The following FN1 variants were observed in gnomAD, a reference collection of about 807,000 sequenced individuals.
The protein encoded by FN1 is fibronectin.
FN1 carries 106 observed loss-of-function variants against 297.3 expected under a neutral mutation model. The ratio of observed to expected loss-of-function variants is 0.36; its 90% CI spans 0.30 to 0.42. FN1 has a LOEUF of 0.42. Among genes scored for constraint, FN1 ranks in the 10% least tolerant of loss-of-function variants. The pLI is 1.00. For missense variants in FN1, 2,690 were observed against 3,124.9 expected, an observed-to-expected ratio of 0.86 and a Z score of 3.32; for synonymous variants, 1,149 against 1,152.6, an observed-to-expected ratio of 1.00 and a Z score of 0.06.
At chr2:215,391,951 C>G in intron 25 of FN1, 137 bp from the exon 26 acceptor site, 1 of 760,326 alleles carries the variant, frequency 1.3e-6, no homozygotes, top group Non-Finnish European at 2.2e-6. Flanking sequence ...TAATCTAAGT[C>G]TATTTTAAGT....
At position 215,381,140 on chromosome 2, in the gene FN1, T is replaced by C. The variant is rs534174800; in HGVS notation, c.5165-60A>G. 52 of 1,555,930 alleles carry C rather than the reference T, an allele frequency of 3.3e-5. No individual in the cohort carries two copies. In the African/African-American group the frequency reaches 6.6e-4, roughly 20 times the overall value. Reference sequence around the variant, plus strand: ...AAAGCAAGTTGTGAAATAAGCATTTTTATAACATGCAAAGCAGTTTTGCAG... The same window carrying C: ...AAAGCAAGTTGTGAAATAAGCATTTCTATAACATGCAAAGCAGTTTTGCAG... On this transcript the variant is annotated intron_variant, in intron 32 of 45. Transcript: ENST00000354785.
Position 215,393,427 on chromosome 2 carries a change from A to AATAT in FN1, c.3797-228_3797-225dup, listed in dbSNP as rs138259153. The AATAT allele has an allele frequency of 0.014, 2,651 of 191,766 alleles. 54 individuals are homozygous for AATAT. The highest frequency in any genetic ancestry group is 0.053 in the African/African-American group (2,087 of 39,288). 11.9% of individuals were successfully genotyped at this position (191,766 alleles called of 1,614,324 possible). On this transcript the variant is annotated intron_variant, in intron 24 of 45. Coordinates refer to ENST00000354785, the MANE Select transcript of FN1 (RefSeq NM_212482.4). ...AATAAACAGGAATATTCTTTTAGGG[A>AATAT]ATATATATATATATATATTTTTTAC...
chr2:215,389,126 C>T (rs796406430), intron 26 of FN1, among the ~76,000 whole-genome samples: 7 of 151,806 alleles, frequency 4.6e-5, no homozygotes, highest in African/African-American at 7.2e-5. Context: ...TTCTTTTTGA[C>T]GAGGTTTTAC....
At chr2:215,372,411 G>A (rs760918513) in intron 39 of FN1, 36 bp from the exon 40 acceptor site, 18 of 1,474,428 alleles carry the variant, frequency 1.2e-5, no homozygotes, top group African/African-American at 2.8e-5. Context: ...AAAGCAAAGC[G>A]CATTAAGCTC....
chr2:215,378,379 A>C (rs2057685483), intron 34 of FN1, 117 bp from the exon 35 acceptor site: 1 of 702,912 alleles, frequency 1.4e-6, no homozygotes, highest in South Asian at 1.5e-5. Flanking sequence ...CAAACCAGCA[A>C]AACCCACAAC....
rs982108863 is a variant in FN1 at position 215,427,987 on chromosome 2, TC to T, written c.844+192del. ...CTAAGGTTTATTTGTATGTCATTTT[TC>T]TTTTTTTCTGAAAAATTTAAAACTT... On this transcript the variant is annotated intron_variant, in intron 6 of 45. Transcript: ENST00000354785. Among the ~76,000 whole-genome samples the T allele has an allele frequency of 7.9e-5, 12 of 152,336 alleles. No individual in the cohort carries two copies. In the East Asian group the frequency reaches 1.7e-3, roughly 22 times the overall value.
chr2:215,395,292 G>A (rs1449167874), intron 23 of FN1, among the ~76,000 whole-genome samples: 1 of 152,086 alleles, frequency 6.6e-6, no homozygotes, highest in Non-Finnish European at 1.5e-5. Context: ...AAAGAGTATT[G>A]ATTGGGAGGT....
At chr2:215,422,495 A>G (rs1177552984) in intron 9 of FN1, among the ~76,000 whole-genome samples, 1 of 151,760 alleles carries the variant, frequency 6.6e-6, no homozygotes, top group Non-Finnish European at 1.5e-5. Context: ...AAACTAAGAT[A>G]ATATCTACAC....
At chr2:215,424,028 G>A in intron 8 of FN1, 118 bp downstream of exon 8, 2 of 1,038,720 alleles carry the variant, frequency 1.9e-6, no homozygotes, top group African/African-American at 1.6e-5. Flanking sequence ...AGTCCAAACT[G>A]AACAAAAGCG....
In FN1 at chr2:215,414,907, T is replaced by G; in HGVS notation, c.1871A>C (p.Asn624Thr). The G allele has an allele frequency of 6.2e-7, 1 of 1,613,800 alleles. No homozygotes were observed. Among genetic ancestry groups the G allele is most frequent in the Non-Finnish European group, 8.5e-7 (1 of 1,179,868 alleles). Residue 624 changes from asparagine (N) to threonine (T), a missense_variant, in exon 13 of 46, where the codon AAC becomes ACC. By Grantham distance (65) the Asn-to-Thr change is moderately conservative. This residue lies in a region of FN1 where 876 missense variants were observed against 1,058.1 expected (regional missense o/e 0.83). Coordinates refer to ENST00000354785, the MANE Select transcript of FN1 (RefSeq NM_212482.4). Reference sequence around the variant, plus strand: ...TGCATTCCACTGGATGGGGTGGGAGTTGGGCTGACTCGGAGTCTCAGTGAT... The same window carrying G: ...TGCATTCCACTGGATGGGGTGGGAGGTGGGCTGACTCGGAGTCTCAGTGAT... ...VFITETPSQP[N>T]SHPIQWNAPQ...
chr2:215,379,868 T>C (rs1191495486), intron 33 of FN1: 1 of 155,040 alleles, frequency 6.4e-6, no homozygotes, highest in Admixed American at 6.4e-5. Flanking sequence ...AATTTTTTCA[T>C]ATTTTTTTGT....
At chr2:215,404,760 G>C in intron 19 of FN1, 105 bp from the exon 20 acceptor site, 1 of 1,089,908 alleles carries the variant, frequency 9.2e-7, no homozygotes, top group African/African-American at 1.5e-5. Context: ...CCTCAAGGTT[G>C]TAACTATGTG....
rs1297130591 is a variant in FN1, at chr2:215,380,835, G to C, written c.5410C>G (p.Pro1804Ala). 7 of 1,613,298 alleles carry C rather than the reference G, an allele frequency of 4.3e-6. No homozygotes were observed. The African/African-American group carries it at 9.3e-5, about 22-fold the overall frequency. The change falls in exon 33 of 46, where the codon CCC (proline) becomes GCC (alanine). Residue 1804 changes from proline to alanine, a missense_variant. By Grantham distance (27) the Pro-to-Ala change is conservative. Coordinates refer to ENST00000354785, the MANE Select transcript of FN1 (RefSeq NM_212482.4). ...VALHDDMESQ[P>A]LIGTQSTAIP... ...CCTGTGGACTGGGTTCCAATCAGGG[G>C]CTGGCTCTCCATATCATCGTGCAAG...
intron 21 of FN1, 149 bp from the exon 22 acceptor site, chr2:215,397,997 T>C (rs1184304109): frequency 2.7e-6 from 2 of 747,464 alleles, no homozygotes; most frequent in African/African-American, 1.7e-5. Flanking sequence ...GGGACTCTTT[T>C]ATATACTTTA....
intron 13 of FN1, among the ~76,000 whole-genome samples, chr2:215,412,831 A>C (rs1300585893): frequency 1.5e-5 from 2 of 136,064 alleles, no homozygotes; most frequent in Non-Finnish European, 1.5e-5. Flanking sequence ...TTTGAAAGAT[A>C]AAGCTGTTAT....
rs55739979 is a variant in FN1, at chr2:215,370,258, G to C, written c.6853+36C>G. The C allele has an allele frequency of 0.029, 47,385 of 1,609,680 alleles. 817 individuals are homozygous for C. Among genetic ancestry groups the C allele is most frequent in the Non-Finnish European group, 0.033 (38,978 of 1,176,054 alleles). On this transcript the variant is annotated intron_variant, in intron 41 of 45. Transcript: ENST00000354785. ...AAGCCCATCTCTGGTGTACAGCAGA[G>C]GGGAGCCTGTGTCTAAATAGTACGT...
chr2:215,391,850 A>C (rs1338788018), intron 25 of FN1, 36 bp from the exon 26 acceptor site: 1 of 1,590,602 alleles, frequency 6.3e-7, no homozygotes. Context: ...CAGTTAATGT[A>C]ATTTTAAAAT....
At chr2:215,370,220 A>G (rs2055594901) in intron 41 of FN1, 74 bp downstream of exon 41, 2 of 1,452,188 alleles carry the variant, frequency 1.4e-6, no homozygotes, top group Non-Finnish European at 1.9e-6. Flanking sequence ...CAACAAAGGT[A>G]CAGTCAACAG....
At chr2:215,423,227 G>A in intron 9 of FN1, 123 bp downstream of exon 9, 1 of 889,294 alleles carries the variant, frequency 1.1e-6, no homozygotes, top group Non-Finnish European at 1.8e-6. Context: ...CACTTCACAT[G>A]AAGTTTTCTG....
Sources: gnomAD v4.1 joint callset for allele counts (sites outside exome capture counted in the v4.1 genomes callset) on GRCh38, gnomAD v4.1.1 for gene constraint, gnomAD v4.1.1 regional missense constraint, MANE v1.5 for transcripts, NCBI Gene and HGNC (gene_info 2026-07-23, HGNC 2026-07-21) for gene names.